The following WWC1 variants were observed in gnomAD, a reference collection of about 807,000 sequenced individuals.
WWC1 encodes protein KIBRA.
In WWC1, 55 loss-of-function variants were observed where a neutral mutation model predicts 138.4. That is an observed-to-expected ratio of 0.40 (90% CI 0.32 to 0.50). The LOEUF is 0.50. Ranked by LOEUF, WWC1 falls within the 20% of genes least tolerant of loss-of-function variation. The pLI is 0.72. For synonymous variants in WWC1, 524 were observed against 564.9 expected, an observed-to-expected ratio of 0.93 and a Z score of 1.03; for missense variants, 1,226 against 1,420.4, an observed-to-expected ratio of 0.86 and a Z score of 2.20.
chr5:168,359,031 GGGGTGTGTGT>G (rs1359806158), intron 1 of WWC1, among the ~76,000 whole-genome samples: 19 of 92,474 alleles, frequency 2.1e-4, no homozygotes, highest in South Asian at 4.3e-4. Flanking sequence ...TGGTGGTGGT[GGGGTGTGTGT>G]GTGTGTGTGT....
At chr5:168,427,372 A>G (rs530156070) in intron 11 of WWC1, among the ~76,000 whole-genome samples, 41 of 152,148 alleles carry the variant, frequency 2.7e-4, no homozygotes, top group African/African-American at 8.2e-4. Flanking sequence ...TTATTATCCA[A>G]GTTTTACAAA....
chr5:168,358,929 A>G (rs1046631966), intron 1 of WWC1, among the ~76,000 whole-genome samples: 2 of 151,990 alleles, frequency 1.3e-5, no homozygotes, highest in Non-Finnish European at 2.9e-5. Flanking sequence ...TCCCCAGGCA[A>G]CCACTGACCT....
At chr5:168,416,152 A>T (rs1025951514) in intron 9 of WWC1, 1 of 152,160 alleles carries the variant, frequency 6.6e-6, no homozygotes, top group Non-Finnish European at 1.5e-5. Flanking sequence ...CTGGCCTCCC[A>T]TGGCTTCAGA....
At chr5:168,446,222 C>G (rs1003869837) in intron 17 of WWC1, among the ~76,000 whole-genome samples, 3 of 130,734 alleles carry the variant, frequency 2.3e-5, no homozygotes, top group Non-Finnish European at 4.7e-5. Context: ...TGAGCCTTCT[C>G]TCCCATTATT....
chr5:168,413,101 T>C (rs1472885805), intron 8 of WWC1, among the ~76,000 whole-genome samples: 1 of 152,226 alleles, frequency 6.6e-6, no homozygotes, highest in Non-Finnish European at 1.5e-5. Flanking sequence ...CCACATTGTC[T>C]GCACGTAAGA....
chr5:168,386,455 C>A (rs1460038588), intron 3 of WWC1, among the ~76,000 whole-genome samples: 1 of 151,296 alleles, frequency 6.6e-6, no homozygotes, highest in East Asian at 2.0e-4. Context: ...TGCAGTGGCG[C>A]GATCTCTGCT....
intron 11 of WWC1, among the ~76,000 whole-genome samples, chr5:168,427,512 G>T (rs1377319869): frequency 2.7e-5 from 4 of 148,140 alleles, no homozygotes; most frequent in African/African-American, 1.0e-4. Context: ...AATCACATGT[G>T]ACTCCTTCCA....
intron 2 of WWC1, among the ~76,000 whole-genome samples, chr5:168,373,869 A>G (rs1352276958): frequency 6.6e-6 from 1 of 151,834 alleles, no homozygotes; most frequent in East Asian, 1.9e-4. Flanking sequence ...ACAGAGTGAA[A>G]CCCCATCTCT....
intron 8 of WWC1, 175 bp from the exon 9 acceptor site, chr5:168,414,173 G>T: frequency 1.1e-6 from 1 of 873,424 alleles, no homozygotes; most frequent in Non-Finnish European, 1.7e-6. Context: ...TTGGCACATG[G>T]TAGGCACCCA....
intron 1 of WWC1, among the ~76,000 whole-genome samples, chr5:168,301,450 A>G (rs1770065217): frequency 6.6e-6 from 1 of 152,198 alleles, no homozygotes; most frequent in South Asian, 2.1e-4. Flanking sequence ...ACCCTGGTCA[A>G]CATGGTGAAA....
chr5:168,410,931 C>CCCT (rs1780181908), intron 8 of WWC1, among the ~76,000 whole-genome samples: 1 of 114,480 alleles, frequency 8.7e-6, no homozygotes, highest in African/African-American at 3.3e-5. Context: ...ATGATCTTTG[C>CCCT]TTTTTTTTTT....
rs747734059 is a variant in WWC1, at chr5:168,395,123, G to A, written c.434-2601G>A. 3.3e-5 allele frequency among the ~76,000 whole-genome samples: 5 copies of A among 152,172 alleles called. No individual in the cohort carries two copies. The East Asian group carries it at 5.8e-4, about 18-fold the overall frequency. ...ATGCATGCCTCAAGTCAGCCCTGGC[G>A]TGACTGGTCTACACAGCCAACCTCT... On this transcript the variant is annotated intron_variant, in intron 3 of 22. Coordinates refer to ENST00000265293, the MANE Select transcript of WWC1 (RefSeq NM_015238.3).
chr5:168,430,096 G>A (rs1781826414), intron 13 of WWC1, 41 bp from the exon 14 acceptor site: 1 of 1,460,144 alleles, frequency 6.8e-7, no homozygotes, highest in Non-Finnish European at 9.6e-7. Flanking sequence ...AGAGATGAGT[G>A]TGTTACTAAT....
chr5:168,372,600 G>A (rs1343139613), intron 2 of WWC1, among the ~76,000 whole-genome samples: 2 of 152,204 alleles, frequency 1.3e-5, no homozygotes, highest in Admixed American at 6.5e-5. Flanking sequence ...CTGGTGGGAT[G>A]TTCAGATGAT....
At chr5:168,468,902 T>C (rs750457727) in intron 22 of WWC1, 49 bp from the exon 23 acceptor site, 2 of 1,594,862 alleles carry the variant, frequency 1.3e-6, no homozygotes, top group East Asian at 4.5e-5. Context: ...AGAATCTCTG[T>C]AGAGCGAGGT....
intron 1 of WWC1, among the ~76,000 whole-genome samples, chr5:168,355,651 G>C (rs1233804688): frequency 1.3e-5 from 2 of 152,160 alleles, no homozygotes; most frequent in Non-Finnish European, 2.9e-5. Flanking sequence ...TGCATTCTGA[G>C]TATTGAGAAA....
chr5:168,423,715 T>A lies in WWC1; in HGVS notation c.1457T>A (p.Leu486Gln). 1 of 1,614,190 alleles carries A rather than the reference T, an allele frequency of 6.2e-7. No homozygotes were observed. ...ELQSKVEFLL[L>Q]EGATGFRPSG... ...CAGAGCAAGGTGGAGTTCCTGCTCCTGGAGGGGGCCACCGGCTTCCGGCCC... is the reference window on the plus strand; with the variant it reads ...CAGAGCAAGGTGGAGTTCCTGCTCCAGGAGGGGGCCACCGGCTTCCGGCCC... Residue 486 changes from leucine to glutamine, a missense_variant, in exon 11 of 23, where the codon CTG becomes CAG. By Grantham distance (113) the Leu-to-Gln change is moderately radical (BLOSUM62 -2). Transcript: ENST00000265293.
intron 1 of WWC1, among the ~76,000 whole-genome samples, chr5:168,348,293 C>T (rs1018585133): frequency 1.3e-5 from 2 of 152,194 alleles, no homozygotes; most frequent in East Asian, 3.9e-4. Flanking sequence ...TAGGGTGAAG[C>T]TCAGGGAGAC....
intron 10 of WWC1, among the ~76,000 whole-genome samples, chr5:168,422,631 G>T (rs1434274579): frequency 3.3e-5 from 5 of 151,694 alleles, no homozygotes; most frequent in African/African-American, 1.2e-4. Context: ...GAAAAAAAAA[G>T]CCTTAGGAAA....
Sources: allele counts gnomAD v4.1 joint callset (sites outside exome capture counted in the v4.1 genomes callset), GRCh38; gene constraint gnomAD v4.1.1; transcripts MANE v1.5; gene names NCBI Gene and HGNC (gene_info 2026-07-23, HGNC 2026-07-21).